The following TMEM120B variants were observed in gnomAD, a reference collection of about 807,000 sequenced individuals.
The protein encoded by TMEM120B is transmembrane protein 120B.
In TMEM120B, 31 loss-of-function variants were observed where a neutral mutation model predicts 55.5. That is an observed-to-expected ratio of 0.56 (90% CI 0.42 to 0.75). TMEM120B has a LOEUF of 0.75. Among genes scored for constraint, TMEM120B ranks in the 30% least tolerant of loss-of-function variants. The pLI is 0.00. For missense variants in TMEM120B, 399 were observed against 425.5 expected (o/e 0.94, Z 0.55); for synonymous variants, 203 against 176.3 (o/e 1.15, Z -1.20).
In TMEM120B at chr12:121,780,787, C is replaced by A; in HGVS notation, c.*5065C>A. On this transcript the variant is annotated 3_prime_UTR_variant, in exon 12 of 12. Transcript: ENST00000449592. ...TGCTTCCCTCAGCTCCCTGAAAGGCCACTAAGGCACCCCAGTTGCAGAGGC... is the reference window on the plus strand; with the variant it reads ...TGCTTCCCTCAGCTCCCTGAAAGGCAACTAAGGCACCCCAGTTGCAGAGGC... 6.8e-7 allele frequency: 1 copy of A among 1,473,294 alleles called. No homozygotes were observed. The highest frequency in any genetic ancestry group is 9.1e-7 in the Non-Finnish European group (1 of 1,096,944). The allele number at this position is 1,473,294 out of a possible 1,614,324, so 91.3% of individuals were successfully genotyped here. A position where few individuals can be genotyped will look rare whatever the true frequency, so the allele number is the denominator to read the frequency against.
At chr12:121,770,575 C>A (rs956281218) in intron 6 of TMEM120B, among the ~76,000 whole-genome samples, 2 of 151,876 alleles carry the variant, frequency 1.3e-5, no homozygotes. Context: ...AGGAGCCGTG[C>A]CTGGAGCGCC....
chr12:121,743,691 C>A lies in TMEM120B; in HGVS notation c.132C>A (p.Ser44Arg). The A allele has an allele frequency of 6.2e-7, 1 of 1,613,658 alleles. No individual in the cohort carries two copies. ...TGGCTGCGCTGCAGACGCTGTGTAG[C>A]AGTTCCATCAGTAAGCAGAAGAAGC... Reference protein sequence around the residue: ...EELAALQTLCSSSISKQKKHL... With the variant: ...EELAALQTLCRSSISKQKKHL... The change falls in exon 2 of 12, where the codon AGC becomes AGA. Residue 44 changes from serine to arginine, a missense_variant. Ser to Arg is a moderately radical substitution (Grantham distance 110). Around this residue, in one of 3 missense-constraint regions of TMEM120B, gnomAD observed 133 missense variants for 104.1 expected, o/e 1.28. Coordinates refer to ENST00000449592, the MANE Select transcript of TMEM120B (RefSeq NM_001080825.2).
At chr12:121,737,615 T>G (rs183888540) in intron 1 of TMEM120B, among the ~76,000 whole-genome samples, 87 of 152,210 alleles carry the variant, frequency 5.7e-4, no homozygotes, top group Admixed American at 1.0e-3. Flanking sequence ...TCATGTGACT[T>G]CCATTTCTGG....
rs1874421045 is a variant in TMEM120B at position 121,780,796 on chromosome 12, A to C, written c.*5074A>C. 2 of 1,505,180 alleles carry C rather than the reference A, an allele frequency of 1.3e-6. No individual in the cohort carries two copies. The highest frequency in any genetic ancestry group is 4.5e-5 in the East Asian group (2 of 44,018). 93.2% of individuals were successfully genotyped at this position (1,505,180 alleles called of 1,614,324 possible). A position where few individuals can be genotyped will look rare whatever the true frequency, so the allele number is the denominator to read the frequency against. ...CAGCTCCCTGAAAGGCCACTAAGGC[A>C]CCCCAGTTGCAGAGGCCAAAGGTCC... On this transcript the variant is annotated 3_prime_UTR_variant, in exon 12 of 12. Transcript: ENST00000449592.
intron 5 of TMEM120B, among the ~76,000 whole-genome samples, chr12:121,756,023 A>T (rs1873466403): frequency 6.6e-6 from 1 of 152,104 alleles, no homozygotes; most frequent in African/African-American, 2.4e-5. Context: ...TTTAGGAACC[A>T]GTTCTGTAGT....
intron 9 of TMEM120B, among the ~76,000 whole-genome samples, chr12:121,774,145 G>A (rs535448541): frequency 3.3e-5 from 5 of 152,090 alleles, no homozygotes; most frequent in Admixed American, 1.3e-4. Flanking sequence ...TAGTAGAAAT[G>A]GGGTTTCACC....
intron 1 of TMEM120B, among the ~76,000 whole-genome samples, chr12:121,739,526 G>A (rs1872861061): frequency 6.6e-6 from 1 of 152,086 alleles, no homozygotes; most frequent in African/African-American, 2.4e-5. Flanking sequence ...AGGCTGGAGT[G>A]CAGTGACACG....
At chr12:121,719,162 A>G (rs150948610) in intron 1 of TMEM120B, among the ~76,000 whole-genome samples, 1 of 152,236 alleles carries the variant, frequency 6.6e-6, no homozygotes, top group Non-Finnish European at 1.5e-5. Flanking sequence ...GAAGCCTAAA[A>G]GTGGGATCAG....
chr12:121,740,677 T>C (rs1592932764), intron 1 of TMEM120B, among the ~76,000 whole-genome samples: 1 of 151,704 alleles, frequency 6.6e-6, no homozygotes, highest in Non-Finnish European at 1.5e-5. Flanking sequence ...GTGGCAGAGG[T>C]GGAAGAAAAT....
At position 121,770,422 on chromosome 12, in the gene TMEM120B, G is replaced by C. The variant is rs1415917346; in HGVS notation, c.552-485G>C. 2.0e-5 allele frequency among the ~76,000 whole-genome samples: 3 copies of C among 152,218 alleles called. No individual in the cohort carries two copies. In the East Asian group the frequency reaches 5.8e-4, roughly 29 times the overall value. ...TCACGGACGTTCTAAGGTGCTGGGGGGCTCAGCTTCAGTGCAGGAATTGGA... is the reference window on the plus strand; with the variant it reads ...TCACGGACGTTCTAAGGTGCTGGGGCGCTCAGCTTCAGTGCAGGAATTGGA... On this transcript the variant is annotated intron_variant, in intron 6 of 11. Coordinates refer to ENST00000449592, the MANE Select transcript of TMEM120B (RefSeq NM_001080825.2).
At chr12:121,719,144 C>G (rs564124194) in intron 1 of TMEM120B, among the ~76,000 whole-genome samples, 1 of 152,216 alleles carries the variant, frequency 6.6e-6, no homozygotes, top group African/African-American at 2.4e-5. Context: ...GGTCACATAT[C>G]TGCTCCTGAA....
At chr12:121,750,474 C>G (rs1425766697) in intron 4 of TMEM120B, 35 bp downstream of exon 4, 1 of 1,576,818 alleles carries the variant, frequency 6.3e-7, no homozygotes, top group East Asian at 2.2e-5. Context: ...AGACCCACAC[C>G]TCACACCGCC....
At chr12:121,771,137 C>A (rs1043840685) in intron 7 of TMEM120B, among the ~76,000 whole-genome samples, 165 bp downstream of exon 7, 3 of 152,128 alleles carry the variant, frequency 2.0e-5, no homozygotes, top group African/African-American at 7.2e-5. Flanking sequence ...GGGCCCCACC[C>A]AGCCCGTGAG....
chr12:121,723,713 C>T (rs1042002115), intron 1 of TMEM120B, among the ~76,000 whole-genome samples: 1 of 152,148 alleles, frequency 6.6e-6, no homozygotes, highest in African/African-American at 2.4e-5. Flanking sequence ...GAGGAAATTA[C>T]CACAATCTAC....
chr12:121,735,106 A>G (rs1394417571), intron 1 of TMEM120B, among the ~76,000 whole-genome samples: 4 of 150,864 alleles, frequency 2.7e-5, no homozygotes, highest in Non-Finnish European at 5.9e-5. Context: ...GAATCACTTG[A>G]ACCCAGGAGG....
At chr12:121,732,927 C>T (rs1182577226) in intron 1 of TMEM120B, among the ~76,000 whole-genome samples, 3 of 149,802 alleles carry the variant, frequency 2.0e-5, no homozygotes, top group East Asian at 4.0e-4. Context: ...TGCAGTGAGC[C>T]GAGGTCGCGC....
At position 121,775,302 on chromosome 12, in the gene TMEM120B, G is replaced by A. The variant is rs1482206085; in HGVS notation, c.906+172G>A. On this transcript the variant is annotated intron_variant, in intron 11 of 11. Coordinates refer to ENST00000449592, the MANE Select transcript of TMEM120B (RefSeq NM_001080825.2). This position sits in a 1 kb window ranked among gnomAD's most constrained non-coding sequence, Gnocchi z 4.3. ...TGTGCTGTGGGGAGGTTCCTGGGGC[G>A]GGCTGGGCTGGCAGGTGTGGGGTGT... 4.0e-5 allele frequency among the ~76,000 whole-genome samples: 6 copies of A among 151,548 alleles called. No homozygotes were observed. The highest frequency in any genetic ancestry group is 2.1e-4 in the South Asian group (1 of 4,808).
intron 2 of TMEM120B, among the ~76,000 whole-genome samples, chr12:121,745,347 T>C (rs1592934930): frequency 3.3e-5 from 5 of 152,366 alleles, no homozygotes; most frequent in Admixed American, 3.3e-4. Flanking sequence ...CTTGGTCATC[T>C]GTAGGTTATT....
intron 1 of TMEM120B, among the ~76,000 whole-genome samples, chr12:121,730,668 CAAAA>C (rs796159644): frequency 1.9e-5 from 2 of 106,488 alleles, no homozygotes; most frequent in East Asian, 2.9e-4. Flanking sequence ...AAAAAACAAA[CAAAA>C]AAAAACCGGG....
Sources: allele counts gnomAD v4.1 joint callset (sites outside exome capture counted in the v4.1 genomes callset), GRCh38; gene constraint gnomAD v4.1.1; regional missense constraint gnomAD v4.1.1; non-coding constraint Gnocchi (gnomAD v3.1); transcripts MANE v1.5; gene names NCBI Gene and HGNC (gene_info 2026-07-23, HGNC 2026-07-21).